The following CSMD3 variants were observed in gnomAD, a reference collection of about 807,000 sequenced individuals.
The protein encoded by CSMD3 is CUB and Sushi multiple domains 3.
In CSMD3, 177 loss-of-function variants were observed where a neutral mutation model predicts 435.2. That is an observed-to-expected ratio of 0.41 (90% CI 0.36 to 0.46). The LOEUF is 0.46. CSMD3 is among the 20% of genes least tolerant of loss of function. The pLI is 0.34. For synonymous variants in CSMD3, 1,656 were observed against 1,520.5 expected (o/e 1.09, Z -2.07); for missense variants, 4,265 against 4,504.6 (o/e 0.95, Z 1.52).
At chr8:112,320,372 A>AT (rs1215614343) in intron 45 of CSMD3, among the ~76,000 whole-genome samples, 4 of 152,200 alleles carry the variant, frequency 2.6e-5, no homozygotes, top group African/African-American at 9.7e-5. Flanking sequence ...GCATACAGCA[A>AT]TAATTGCAAA....
intron 13 of CSMD3, among the ~76,000 whole-genome samples, chr8:112,758,170 T>C (rs987252633): frequency 4.0e-5 from 6 of 151,242 alleles, no homozygotes; most frequent in African/African-American, 9.7e-5. Flanking sequence ...CTGGCCAAGA[T>C]AGTGAAACCC....
chr8:113,422,072 T>C (rs2094611440), intron 1 of CSMD3, among the ~76,000 whole-genome samples: 1 of 152,186 alleles, frequency 6.6e-6, no homozygotes, highest in African/African-American at 2.4e-5. Context: ...GTAAATCGTT[T>C]ACTAATCCTA....
chr8:112,840,551 T>G (rs558999480), intron 11 of CSMD3, among the ~76,000 whole-genome samples: 1 of 151,798 alleles, frequency 6.6e-6, no homozygotes, highest in African/African-American at 2.4e-5. Context: ...TTGAATGTTA[T>G]TATACAAAGG....
chr8:113,109,810 C>T (rs2090584640), intron 4 of CSMD3, among the ~76,000 whole-genome samples: 1 of 152,198 alleles, frequency 6.6e-6, no homozygotes, highest in Admixed American at 6.5e-5. Context: ...ATGGTGGCTT[C>T]ACTTCCAGGG....
chr8:112,924,919 C>G (rs1057433573), intron 9 of CSMD3, among the ~76,000 whole-genome samples: 1 of 152,086 alleles, frequency 6.6e-6, no homozygotes, highest in African/African-American at 2.4e-5. Flanking sequence ...ATCAAGCACT[C>G]AGTTATTTCC....
intron 8 of CSMD3, among the ~76,000 whole-genome samples, chr8:112,952,117 G>T (rs1181614413): frequency 1.3e-5 from 2 of 150,430 alleles, no homozygotes; most frequent in Non-Finnish European, 3.0e-5. Flanking sequence ...AGAACACGGG[G>T]TAGATAGGGG....
At chr8:113,107,496 G>A (rs1479126011) in intron 4 of CSMD3, among the ~76,000 whole-genome samples, 1 of 152,182 alleles carries the variant, frequency 6.6e-6, no homozygotes, top group Non-Finnish European at 1.5e-5. Context: ...GTATGCTCAT[G>A]TACTGTAGTT....
At chr8:113,133,133 T>C (rs1430654680) in intron 4 of CSMD3, among the ~76,000 whole-genome samples, 1 of 152,022 alleles carries the variant, frequency 6.6e-6, no homozygotes, top group Non-Finnish European at 1.5e-5. Flanking sequence ...TAAAAGGCAA[T>C]CTGAAAAAAT....
chr8:112,320,038 A>G, intron 45 of CSMD3, 57 bp from the exon 46 acceptor site: 1 of 1,116,766 alleles, frequency 9.0e-7, no homozygotes, highest in South Asian at 1.3e-5. Flanking sequence ...GTATTCACAT[A>G]TGCAAAAAAA....
chr8:112,849,562 A>G (rs929561156), intron 11 of CSMD3, among the ~76,000 whole-genome samples: 3 of 151,982 alleles, frequency 2.0e-5, no homozygotes, highest in Non-Finnish European at 4.4e-5. Context: ...TTCTCCAACC[A>G]GATATGGATA....
chr8:113,230,749 C>T (rs889575108), intron 3 of CSMD3, among the ~76,000 whole-genome samples: 4 of 151,416 alleles, frequency 2.6e-5, no homozygotes, highest in African/African-American at 9.7e-5. Context: ...AACCCTTTTC[C>T]CATGTTGGTT....
chr8:113,418,565 G>T, intron 1 of CSMD3, among the ~76,000 whole-genome samples: 1 of 152,124 alleles, frequency 6.6e-6, no homozygotes, highest in Non-Finnish European at 1.5e-5. Flanking sequence ...CAAAATAAAC[G>T]GGCATACACA....
At position 113,335,684 on chromosome 8, in the gene CSMD3, A is replaced by T. The variant is rs942230518; in HGVS notation, c.179-20891T>A. On this transcript the variant is annotated intron_variant, in intron 1 of 70. Transcript: ENST00000297405. ...TCCTGTTGGATATTACAATGTTGTG[A>T]GTAAAGTGTTCTATAAATGTTAATT... Among the ~76,000 whole-genome samples, 5 of 151,492 alleles carry T rather than the reference A, an allele frequency of 3.3e-5. No individual in the cohort carries two copies. In the Admixed American group the frequency reaches 3.3e-4, roughly 10 times the overall value.
chr8:112,251,070 G>A (rs1815213232), intron 63 of CSMD3, among the ~76,000 whole-genome samples: 1 of 151,364 alleles, frequency 6.6e-6, no homozygotes, highest in South Asian at 2.1e-4. Context: ...ATAACACTTG[G>A]CATGCTAGAA....
At chr8:113,409,598 A>T (rs1331151800) in intron 1 of CSMD3, among the ~76,000 whole-genome samples, 1 of 152,156 alleles carries the variant, frequency 6.6e-6, no homozygotes, top group Non-Finnish European at 1.5e-5. Context: ...GAATGATTAA[A>T]CAGATAGCGG....
intron 22 of CSMD3, among the ~76,000 whole-genome samples, chr8:112,609,823 T>C (rs1209283158): frequency 6.6e-6 from 1 of 152,142 alleles, no homozygotes; most frequent in Non-Finnish European, 1.5e-5. Flanking sequence ...TTATTCAATA[T>C]GGAATATTAT....
intron 15 of CSMD3, among the ~76,000 whole-genome samples, chr8:112,683,315 A>G (rs981952311): frequency 6.6e-6 from 1 of 152,026 alleles, no homozygotes; most frequent in Non-Finnish European, 1.5e-5. Context: ...GGAAAAGTTA[A>G]GTAACTTGCC....
chr8:112,822,271 C>T (rs895482452), intron 12 of CSMD3, among the ~76,000 whole-genome samples: 1 of 152,154 alleles, frequency 6.6e-6, no homozygotes, highest in Non-Finnish European at 1.5e-5. Flanking sequence ...ATTGATTCTT[C>T]CTATCCATGA....
intron 70 of CSMD3, among the ~76,000 whole-genome samples, chr8:112,225,542 G>C (rs1812484007): frequency 6.6e-6 from 1 of 152,092 alleles, no homozygotes; most frequent in Admixed American, 6.6e-5. Context: ...CATCTTTTAG[G>C]AGGTAACATT....
Sources: allele counts gnomAD v4.1 joint callset (sites outside exome capture counted in the v4.1 genomes callset), GRCh38; gene constraint gnomAD v4.1.1; transcripts MANE v1.5; gene names NCBI Gene and HGNC (gene_info 2026-07-23, HGNC 2026-07-21).